The following SLC12A6 variants were observed in gnomAD, a reference collection of about 807,000 sequenced individuals.
SLC12A6 encodes the protein solute carrier family 12 member 6.
Under a neutral mutation model 135.3 loss-of-function variants are expected in SLC12A6, and 66 were observed. That is an observed-to-expected ratio of 0.49 (90% CI 0.40 to 0.60). The LOEUF (loss-of-function observed/expected upper bound fraction) is 0.60, where lower values mean the gene tolerates loss of function less well. Ranked by LOEUF, SLC12A6 falls within the 20% of genes least tolerant of loss-of-function variation. The pLI is 0.00. For missense variants in SLC12A6, 1,058 were observed against 1,452.3 expected, an observed-to-expected ratio of 0.73 and a Z score of 4.41; for synonymous variants, 513 against 508.8, an observed-to-expected ratio of 1.01 and a Z score of -0.11.
intron 2 of SLC12A6, among the ~76,000 whole-genome samples, chr15:34,321,359 G>A (rs939383293): frequency 2.0e-5 from 3 of 152,218 alleles, no homozygotes; most frequent in Non-Finnish European, 4.4e-5. Context: ...AAGCTGAGGT[G>A]TGTGATGTGC....
At chr15:34,280,159 CTT>C (rs1894580033) in intron 2 of SLC12A6, among the ~76,000 whole-genome samples, 1 of 152,166 alleles carries the variant, frequency 6.6e-6, no homozygotes, top group Non-Finnish European at 1.5e-5. Flanking sequence ...TTGAGAATCA[CTT>C]TGTTTACCAT....
chr15:34,237,765 C>T (rs995371725), intron 21 of SLC12A6, among the ~76,000 whole-genome samples: 3 of 152,130 alleles, frequency 2.0e-5, no homozygotes, highest in Non-Finnish European at 4.4e-5. Context: ...AATTTCATAA[C>T]AAGAAAACAC....
chr15:34,310,669 TC>T (rs1378214708), intron 2 of SLC12A6, among the ~76,000 whole-genome samples: 7 of 65,932 alleles, frequency 1.1e-4, no homozygotes, highest in Non-Finnish European at 1.7e-4. Context: ...TGTGTGTGTG[TC>T]CCCGTGTCCA....
chr15:34,291,156 A>G (rs1315598630), intron 2 of SLC12A6, among the ~76,000 whole-genome samples: 1 of 151,890 alleles, frequency 6.6e-6, no homozygotes, highest in Non-Finnish European at 1.5e-5. Flanking sequence ...TTCCTTCAGG[A>G]GCTCTTCTAA....
intron 3 of SLC12A6, among the ~76,000 whole-genome samples, chr15:34,269,103 C>T (rs919864471): frequency 6.6e-6 from 1 of 151,416 alleles, no homozygotes; most frequent in African/African-American, 2.4e-5. Flanking sequence ...GGTGATCCAC[C>T]CACCTCAGCC....
At chr15:34,235,587 A>C (rs976893620) in intron 24 of SLC12A6, among the ~76,000 whole-genome samples, 9 of 150,134 alleles carry the variant, frequency 6.0e-5, no homozygotes, top group African/African-American at 2.3e-4. Context: ...GGCCCCCACC[A>C]CCATACCCGG....
intron 2 of SLC12A6, among the ~76,000 whole-genome samples, chr15:34,307,377 C>T (rs542668026): frequency 1.3e-5 from 2 of 152,276 alleles, no homozygotes; most frequent in East Asian, 1.9e-4. Flanking sequence ...TATTAAAACA[C>T]TATGTCTCAC....
chr15:34,245,863 C>T lies in SLC12A6; in HGVS notation c.1654G>A (p.Gly552Ser), dbSNP rs758787173. Residue 552 changes from glycine to serine, a missense_variant, in exon 14 of 26, where the codon GGT becomes AGT. Gly to Ser is a moderately conservative substitution (Grantham distance 56). Around this residue, in one of 6 missense-constraint regions of SLC12A6, gnomAD observed 170 missense variants for 297.6 expected, o/e 0.57. Transcript: ENST00000354181. ...ACCAAATTACCTTTCACAGCATCAC[C>T]GAACCTGGGAAAGAAATAGGAGTGG... ...IEGVVLRDKF[G>S]DAVKGNLVVG... 1.2e-6 allele frequency: 2 copies of T among 1,610,524 alleles called. No individual in the cohort carries two copies. Among genetic ancestry groups the T allele is most frequent in the South Asian group, 1.1e-5 (1 of 90,984 alleles).
chr15:34,317,368 A>G (rs1045428232), intron 2 of SLC12A6, among the ~76,000 whole-genome samples: 4 of 152,236 alleles, frequency 2.6e-5, no homozygotes, highest in African/African-American at 9.6e-5. Flanking sequence ...AATGTGTTAC[A>G]TGCTATAAAG....
At position 34,243,998 on chromosome 15, in the gene SLC12A6, C is replaced by T; in HGVS notation, c.2018G>A (p.Arg673Lys). 1 of 1,604,778 alleles carries T rather than the reference C, an allele frequency of 6.2e-7. No individual in the cohort carries two copies. The highest frequency in any genetic ancestry group is 8.5e-7 in the Non-Finnish European group (1 of 1,171,460). ...CCAATGGTAGTAGCGGAATCGGGGT[C>T]TCCAGTTGGGTGTTCGAAGTAATGT... ...LQTLLRTPNW[R>K]PRFRYYHWAL... The change falls in exon 16 of 26, where the codon AGA becomes AAA. Residue 673 changes from arginine to lysine, a missense_variant. This residue lies in a region of SLC12A6 where 170 missense variants were observed against 297.6 expected (regional missense o/e 0.57). Coordinates refer to ENST00000354181, the MANE Select transcript of SLC12A6 (RefSeq NM_001365088.1).
chr15:34,263,236 T>A (rs1010081704), intron 3 of SLC12A6, among the ~76,000 whole-genome samples: 1 of 151,886 alleles, frequency 6.6e-6, no homozygotes, highest in African/African-American at 2.4e-5. Flanking sequence ...CTGGGCAACA[T>A]TGAGACCCTG....
intron 2 of SLC12A6, among the ~76,000 whole-genome samples, chr15:34,294,563 C>CT (rs11307820): frequency 5.3e-5 from 8 of 151,456 alleles, no homozygotes; most frequent in Admixed American, 6.6e-5. Context: ...CCCTAAATAC[C>CT]TTTTTTTTAA....
chr15:34,313,627 T>G (rs1254818772), intron 2 of SLC12A6, among the ~76,000 whole-genome samples: 1 of 152,212 alleles, frequency 6.6e-6, no homozygotes, highest in Non-Finnish European at 1.5e-5. Context: ...CAACACACTT[T>G]CACTGGAGAG....
rs369334993 is a variant in SLC12A6 at position 34,254,510 on chromosome 15, C to T, written c.956G>A (p.Arg319His). ...KESAAMLNNM[R>H]VYGTAFLVLM... is the part of the protein sequence containing the mutation. ...GACCAAGAAAGCTGTGCCGTAGACACGCATGTTATTTAGCATGGCTGCTGA... is the reference window on the plus strand; with the variant it reads ...GACCAAGAAAGCTGTGCCGTAGACATGCATGTTATTTAGCATGGCTGCTGA... The change falls in exon 9 of 26, where the codon CGT becomes CAT. Residue 319 changes from arginine (R) to histidine (H), a missense_variant. Physicochemically the swap from Arg to His is conservative, Grantham distance 29. Around this residue, in one of 6 missense-constraint regions of SLC12A6, gnomAD observed 297 missense variants for 318.5 expected, o/e 0.93. Coordinates refer to ENST00000354181, the MANE Select transcript of SLC12A6 (RefSeq NM_001365088.1). 5 of 1,612,944 alleles carry T rather than the reference C, an allele frequency of 3.1e-6. No individual in the cohort carries two copies. The highest frequency in any genetic ancestry group is 2.7e-5 in the African/African-American group (2 of 75,008).
rs1364715858 is a variant in SLC12A6, at chr15:34,230,691, G to GTAT, written c.*3187_*3189dup. 2 of 152,582 alleles carry GTAT rather than the reference G, an allele frequency of 1.3e-5. No homozygotes were observed. Among genetic ancestry groups the GTAT allele is most frequent in the Non-Finnish European group, 2.9e-5 (2 of 68,036 alleles). 9.5% of individuals were successfully genotyped at this position (152,582 alleles called of 1,614,324 possible). A position where few individuals can be genotyped will look rare whatever the true frequency, so the allele number is the denominator to read the frequency against. ...TAAGGTGCATTCTCTCAAGTTTTCA[G>GTAT]TATTGCTTTATTTGCAGTGATTAAA... On this transcript the variant is annotated 3_prime_UTR_variant, in exon 26 of 26. Coordinates refer to ENST00000354181, the MANE Select transcript of SLC12A6 (RefSeq NM_001365088.1).
chr15:34,270,358 A>G (rs544439429), intron 3 of SLC12A6, among the ~76,000 whole-genome samples: 1 of 148,806 alleles, frequency 6.7e-6, no homozygotes, highest in African/African-American at 2.6e-5. Context: ...TCAGCCTCCT[A>G]AAGTGCTGGG....
At chr15:34,238,612 T>G (rs1379396302) in intron 20 of SLC12A6, 1 of 613,408 alleles carries the variant, frequency 1.6e-6, no homozygotes, top group African/African-American at 1.8e-5. Context: ...ACTAGGTATA[T>G]TCCCATTACT....
intron 2 of SLC12A6, among the ~76,000 whole-genome samples, chr15:34,290,604 G>A (rs558820397): frequency 6.6e-6 from 1 of 152,266 alleles, no homozygotes; most frequent in South Asian, 2.1e-4. Flanking sequence ...TACTGTGTGG[G>A]AGTCTAAGTC....
intron 2 of SLC12A6, among the ~76,000 whole-genome samples, chr15:34,306,647 C>A (rs1896628497): frequency 6.6e-6 from 1 of 151,620 alleles, no homozygotes; most frequent in Non-Finnish European, 1.5e-5. Flanking sequence ...CAAGTAGCCA[C>A]CTTCCCAGAA....
Sources: gnomAD v4.1 joint callset for allele counts (sites outside exome capture counted in the v4.1 genomes callset) on GRCh38, gnomAD v4.1.1 for gene constraint, gnomAD v4.1.1 regional missense constraint, MANE v1.5 for transcripts, NCBI Gene and HGNC (gene_info 2026-07-23, HGNC 2026-07-21) for gene names.